Variants in ZMIZ1 observed in about 807,000 individuals in gnomAD.
ZMIZ1 encodes zinc finger MIZ-type containing 1, also known as zinc finger MIZ domain-containing protein 1.
Under a neutral mutation model 113.9 loss-of-function variants are expected in ZMIZ1, and 17 were observed. The observed-to-expected ratio is 0.15, with a 90% CI of 0.10 to 0.22. The LOEUF (loss-of-function observed/expected upper bound fraction) is 0.22. ZMIZ1 is among the 10% of genes least tolerant of loss of function. The pLI, the probability that ZMIZ1 is intolerant of heterozygous loss-of-function variation, is 1.00. For synonymous variants in ZMIZ1, 607 were observed against 603.1 expected, an observed-to-expected ratio of 1.01 and a Z score of -0.09; for missense variants, 1,059 against 1,477.8, an observed-to-expected ratio of 0.72 and a Z score of 4.65.
chr10:79,286,344 C>T (rs963932130), intron 8 of ZMIZ1, among the ~76,000 whole-genome samples: 1 of 152,214 alleles, frequency 6.6e-6, no homozygotes, highest in African/African-American at 2.4e-5. Context: ...TAGGCAGTGG[C>T]GTCACATCAG....
chr10:79,251,806 G>C (rs912249741), intron 7 of ZMIZ1, among the ~76,000 whole-genome samples: 2 of 152,138 alleles, frequency 1.3e-5, no homozygotes, highest in Non-Finnish European at 2.9e-5. Context: ...GAAAGTTACT[G>C]GGCAGTCCCG....
At chr10:79,195,393 C>A (rs1351349504) in intron 4 of ZMIZ1, among the ~76,000 whole-genome samples, 2 of 152,180 alleles carry the variant, frequency 1.3e-5, no homozygotes, top group Non-Finnish European at 2.9e-5. Context: ...ATGGGGGTAG[C>A]CTGCTTGGTC....
At chr10:79,128,807 C>T (rs555960251) in intron 2 of ZMIZ1, among the ~76,000 whole-genome samples, 10 of 150,282 alleles carry the variant, frequency 6.7e-5, no homozygotes, top group South Asian at 4.3e-4. Context: ...CAGCATCTCC[C>T]GGGCTTTGGG....
At chr10:79,143,915 C>T (rs1845375568) in intron 3 of ZMIZ1, among the ~76,000 whole-genome samples, 1 of 152,120 alleles carries the variant, frequency 6.6e-6, no homozygotes, top group African/African-American at 2.4e-5. Context: ...GGAGACTTTT[C>T]CAGGCTGAGA....
Position 79,218,584 on chromosome 10 carries a change from G to GGTGTGTGT in ZMIZ1, c.280+2325_280+2332dup, listed in dbSNP as rs55736085. On this transcript the variant is annotated intron_variant, in intron 7 of 24. Coordinates refer to ENST00000334512, the MANE Select transcript of ZMIZ1 (RefSeq NM_020338.4). ...AAAACATTGATCAAATAATTAGAGGGGTGTGTGTGTGTGTGTGTGTGTCTG... is the reference window on the plus strand; with the variant it reads ...AAAACATTGATCAAATAATTAGAGGGGTGTGTGTGTGTGTGTGTGTGTGTGTGTGTCTG... Among the ~76,000 whole-genome samples the GGTGTGTGT allele has an allele frequency of 2.6e-3, 386 of 147,888 alleles. 3 individuals are homozygous for GGTGTGTGT. Among genetic ancestry groups the GGTGTGTGT allele is most frequent in the African/African-American group, 8.3e-3 (327 of 39,222 alleles).
chr10:79,187,989 C>G (rs1589396061), intron 4 of ZMIZ1, among the ~76,000 whole-genome samples: 1 of 152,322 alleles, frequency 6.6e-6, no homozygotes, highest in East Asian at 1.9e-4. Flanking sequence ...GGGCAAGTTC[C>G]TTAGTTATTT....
chr10:79,158,027 G>T (rs557348522), intron 3 of ZMIZ1, among the ~76,000 whole-genome samples: 2 of 152,190 alleles, frequency 1.3e-5, no homozygotes, highest in Admixed American at 6.5e-5. Flanking sequence ...GGGGAGCGGC[G>T]GGTTGGACCA....
At position 79,306,222 on chromosome 10, in the gene ZMIZ1, G is replaced by A. The variant is rs1379793932; in HGVS notation, c.2546G>A (p.Ser849Asn). Residue 849 changes from serine to asparagine, a missense_variant, in exon 22 of 25, where the codon AGT becomes AAT. Coordinates refer to ENST00000334512, the MANE Select transcript of ZMIZ1 (RefSeq NM_020338.4). ...GIPSKRFKTM[S>N]PSQMIMPNVM... ...CCCTCCAAGCGGTTCAAGACCATGA[G>A]TCCCAGCCAGATGATCATGCCCAAT... 1 of 1,614,178 alleles carries A rather than the reference G, an allele frequency of 6.2e-7. No homozygotes were observed.
intron 2 of ZMIZ1, among the ~76,000 whole-genome samples, chr10:79,134,787 A>G (rs1365597658): frequency 6.6e-6 from 1 of 152,196 alleles, no homozygotes; most frequent in African/African-American, 2.4e-5. Context: ...GATGAGGCTA[A>G]GTAAAAAAAA....
intron 7 of ZMIZ1, among the ~76,000 whole-genome samples, chr10:79,243,475 G>T (rs1849984076): frequency 6.7e-6 from 1 of 148,490 alleles, no homozygotes; most frequent in South Asian, 2.1e-4. Flanking sequence ...GGCGGTGGCG[G>T]GCAGCAGCGA....
At chr10:79,227,979 G>A (rs150972156) in intron 7 of ZMIZ1, among the ~76,000 whole-genome samples, 10 of 152,344 alleles carry the variant, frequency 6.6e-5, no homozygotes, top group African/African-American at 2.2e-4. Context: ...AGGGCCCACA[G>A]CACCCTGTCT....
At chr10:79,243,534 A>C (rs1160456570) in intron 7 of ZMIZ1, 1 of 146,176 alleles carries the variant, frequency 6.8e-6, no homozygotes, top group Non-Finnish European at 1.5e-5. Flanking sequence ...GCGCGGAGCG[A>C]GCGGGCGCCG....
chr10:79,273,251 C>T (rs1852056949), intron 7 of ZMIZ1, among the ~76,000 whole-genome samples: 1 of 152,222 alleles, frequency 6.6e-6, no homozygotes, highest in Non-Finnish European at 1.5e-5. Context: ...GTCCCATGGG[C>T]CTCTGTGGCC....
intron 4 of ZMIZ1, among the ~76,000 whole-genome samples, chr10:79,191,854 C>G (rs1414738334): frequency 2.6e-5 from 4 of 152,198 alleles, no homozygotes; most frequent in African/African-American, 7.2e-5. Context: ...TGTTTCTTCA[C>G]CTGTAGTACT....
At chr10:79,094,021 A>G (rs1004657023) in intron 1 of ZMIZ1, among the ~76,000 whole-genome samples, 1 of 152,242 alleles carries the variant, frequency 6.6e-6, no homozygotes, top group Non-Finnish European at 1.5e-5. Flanking sequence ...ATTTATAAAT[A>G]AACAGTCGAC....
At chr10:79,122,630 T>C (rs1382832977) in intron 2 of ZMIZ1, among the ~76,000 whole-genome samples, 1 of 152,178 alleles carries the variant, frequency 6.6e-6, no homozygotes. Context: ...ATACCTTCAG[T>C]AGCTGCAATG....
chr10:79,077,612 G>A (rs76999313), intron 1 of ZMIZ1, among the ~76,000 whole-genome samples: 1,956 of 152,288 alleles, frequency 0.013, 38 homozygotes, highest in African/African-American at 0.044. Context: ...ATAATAGCCA[G>A]CATTTATTGG....
intron 7 of ZMIZ1, among the ~76,000 whole-genome samples, chr10:79,240,214 T>C (rs776355643): frequency 2.6e-5 from 4 of 152,344 alleles, no homozygotes; most frequent in African/African-American, 4.8e-5. Context: ...TCCCAAGTCA[T>C]TCCCCTGGGG....
At chr10:79,222,139 A>G (rs1356352293) in intron 7 of ZMIZ1, among the ~76,000 whole-genome samples, 2 of 152,146 alleles carry the variant, frequency 1.3e-5, no homozygotes, top group Admixed American at 1.3e-4. Flanking sequence ...CTGGCTGCTC[A>G]TAGGCCAGAT....
Sources: gnomAD v4.1 joint callset for allele counts (sites outside exome capture counted in the v4.1 genomes callset) on GRCh38, gnomAD v4.1.1 for gene constraint, MANE v1.5 for transcripts, NCBI Gene and HGNC (gene_info 2026-07-23, HGNC 2026-07-21) for gene names.